The following CALN1 variants were observed in gnomAD, a reference collection of about 807,000 sequenced individuals.
The protein encoded by CALN1 is calcium-binding protein 8.
Under a neutral mutation model 30.6 loss-of-function variants are expected in CALN1, and 17 were observed. That is an observed-to-expected ratio of 0.56 (90% CI 0.38 to 0.83). The LOEUF (loss-of-function observed/expected upper bound fraction) is 0.83, where lower values mean the gene tolerates loss of function less well. CALN1 is among the 40% of genes least tolerant of loss of function. The probability of loss-of-function intolerance (pLI) is 0.00; values close to 1 mark genes in which losing one functional copy is unlikely to be tolerated. For missense variants in CALN1, 291 were observed against 354.9 expected, an observed-to-expected ratio of 0.82 and a Z score of 1.45; for synonymous variants, 156 against 131.4, an observed-to-expected ratio of 1.19 and a Z score of -1.28.
chr7:71,968,462 G>C (rs1459074293), intron 5 of CALN1, among the ~76,000 whole-genome samples: 1 of 152,010 alleles, frequency 6.6e-6, no homozygotes, highest in African/African-American at 2.4e-5. Context: ...ATGAAGTCTT[G>C]CTCTGTCTCC....
At chr7:72,048,463 A>T (rs1447344949) in intron 4 of CALN1, among the ~76,000 whole-genome samples, 3 of 152,192 alleles carry the variant, frequency 2.0e-5, no homozygotes, top group Admixed American at 1.3e-4. Context: ...GGGGTAGGAC[A>T]CAGGACCTGG....
At chr7:72,138,680 G>C (rs1373589192) in intron 3 of CALN1, among the ~76,000 whole-genome samples, 1 of 152,156 alleles carries the variant, frequency 6.6e-6, no homozygotes, top group African/African-American at 2.4e-5. Context: ...TTTGTTTACG[G>C]GAAGAAAAGC....
intron 3 of CALN1, among the ~76,000 whole-genome samples, chr7:72,205,189 T>A (rs903128067): frequency 2.6e-5 from 4 of 151,978 alleles, no homozygotes; most frequent in African/African-American, 9.7e-5. Context: ...GTTTTTTTGT[T>A]TTTATTTTTG....
chr7:71,848,081 C>T (rs1483280123), intron 5 of CALN1, among the ~76,000 whole-genome samples: 2 of 152,144 alleles, frequency 1.3e-5, no homozygotes, highest in Non-Finnish European at 2.9e-5. Context: ...ACCCTGTTGT[C>T]TAGTCAAGGT....
chr7:72,219,759 C>G (rs1793136915), intron 3 of CALN1, among the ~76,000 whole-genome samples: 1 of 152,008 alleles, frequency 6.6e-6, no homozygotes, highest in African/African-American at 2.4e-5. Context: ...CACACAGAGG[C>G]AGCAGAATAG....
At chr7:71,864,240 C>A (rs6968074) in intron 5 of CALN1, among the ~76,000 whole-genome samples, 36,389 of 152,100 alleles carry the variant, frequency 0.24, 4,631 homozygotes, top group African/African-American at 0.31. Context: ...GATGGGATAT[C>A]ACTCCCATGA....
intron 4 of CALN1, among the ~76,000 whole-genome samples, chr7:72,093,231 G>A (rs1805994319): frequency 6.6e-6 from 1 of 152,144 alleles, no homozygotes; most frequent in Non-Finnish European, 1.5e-5. Flanking sequence ...TGGTCAAAAT[G>A]TTCTAAGACA....
chr7:71,916,436 T>C (rs2117030111), intron 5 of CALN1, among the ~76,000 whole-genome samples: 1 of 151,844 alleles, frequency 6.6e-6, no homozygotes, highest in East Asian at 1.9e-4. Context: ...GCATCAATGA[T>C]TTTCTGGATA....
At chr7:72,307,543 A>G (rs1799735990) in intron 2 of CALN1, among the ~76,000 whole-genome samples, 1 of 152,226 alleles carries the variant, frequency 6.6e-6, no homozygotes, top group Admixed American at 6.5e-5. Flanking sequence ...CAGAAGTCAC[A>G]GCCTGTGGCC....
chr7:71,992,188 T>C (rs780672983), intron 5 of CALN1, among the ~76,000 whole-genome samples: 2 of 152,210 alleles, frequency 1.3e-5, no homozygotes, highest in African/African-American at 2.4e-5. Flanking sequence ...GAATGTTAAA[T>C]ACACTTGTTT....
At chr7:72,119,788 G>A (rs1808250758) in intron 3 of CALN1, among the ~76,000 whole-genome samples, 1 of 152,034 alleles carries the variant, frequency 6.6e-6, no homozygotes, top group Non-Finnish European at 1.5e-5. Context: ...ACCACAAGAA[G>A]AGCATGGGAA....
intron 1 of CALN1, among the ~76,000 whole-genome samples, chr7:72,406,152 A>T (rs765311835): frequency 3.3e-5 from 5 of 152,200 alleles, no homozygotes; most frequent in Admixed American, 6.5e-5. Flanking sequence ...CCATAGCCAG[A>T]AGCCGTCTCT....
At chr7:72,029,029 A>G (rs987331326) in intron 4 of CALN1, among the ~76,000 whole-genome samples, 1 of 152,212 alleles carries the variant, frequency 6.6e-6, no homozygotes, top group South Asian at 2.1e-4. Flanking sequence ...ATATAGCTAT[A>G]GAAATCTTTG....
chr7:71,847,918 A>C (rs945681749), intron 5 of CALN1, among the ~76,000 whole-genome samples: 3 of 152,040 alleles, frequency 2.0e-5, no homozygotes, highest in Non-Finnish European at 2.9e-5. Context: ...CCATGTAAGA[A>C]GTGCCTTTTT....
chr7:72,196,265 A>G (rs1166004016), intron 3 of CALN1, among the ~76,000 whole-genome samples: 3 of 152,112 alleles, frequency 2.0e-5, no homozygotes, highest in African/African-American at 7.2e-5. Context: ...CTACAGGCGC[A>G]TACCGCCATG....
chr7:72,141,417 T>C (rs367804346), intron 3 of CALN1, among the ~76,000 whole-genome samples: 1 of 151,926 alleles, frequency 6.6e-6, no homozygotes, highest in Non-Finnish European at 1.5e-5. Flanking sequence ...CCTGGCAACA[T>C]GGTGAAACCC....
chr7:72,466,260 C>T, the CALN1 span, among the ~76,000 whole-genome samples: 1 of 151,198 alleles, frequency 6.6e-6, no homozygotes, highest in South Asian at 2.1e-4. Flanking sequence ...TGTGTGTGTA[C>T]ACACACACAG....
At chr7:71,939,315 T>C (rs535828969) in intron 5 of CALN1, among the ~76,000 whole-genome samples, 1 of 149,172 alleles carries the variant, frequency 6.7e-6, no homozygotes, top group Admixed American at 6.8e-5. Flanking sequence ...CCCAGCAGTT[T>C]GGGAGGCCGA....
At chr7:72,414,921 G>T (rs532546829), upstream of CALN1, among the ~76,000 whole-genome samples, 10 of 152,316 alleles carry the variant, frequency 6.6e-5, no homozygotes, top group Non-Finnish European at 1.5e-4. Context: ...TATATCTGAA[G>T]ATAGGGGTTT....
Sources: gnomAD v4.1 joint callset for allele counts (sites outside exome capture counted in the v4.1 genomes callset) on GRCh38, gnomAD v4.1.1 for gene constraint, MANE v1.5 for transcripts, NCBI Gene and HGNC (gene_info 2026-07-23, HGNC 2026-07-21) for gene names.